The following PARD3 variants were observed in gnomAD, a reference collection of about 807,000 sequenced individuals.
PARD3 encodes partitioning defective 3 homolog.
In PARD3, 75 loss-of-function variants were observed where a neutral mutation model predicts 155.4. The observed-to-expected ratio is 0.48, with a 90% CI of 0.40 to 0.58. The LOEUF (loss-of-function observed/expected upper bound fraction) is 0.58, where lower values mean the gene tolerates loss of function less well. PARD3 is among the 20% of genes least tolerant of loss of function. PARD3 has a pLI of 0.00. For missense variants in PARD3, 1,642 were observed against 1,721.7 expected, an observed-to-expected ratio of 0.95 and a Z score of 0.82; for synonymous variants, 576 against 610.5, an observed-to-expected ratio of 0.94 and a Z score of 0.83.
At chr10:34,601,344 A>G (rs2132501841) in intron 2 of PARD3, among the ~76,000 whole-genome samples, 1 of 151,938 alleles carries the variant, frequency 6.6e-6, no homozygotes, top group African/African-American at 2.4e-5. Flanking sequence ...TCAAAAGGCT[A>G]AGGCAGGAGG....
intron 12 of PARD3, among the ~76,000 whole-genome samples, chr10:34,362,909 T>C (rs886640753): frequency 1.7e-4 from 26 of 152,236 alleles, no homozygotes; most frequent in African/African-American, 4.6e-4. Context: ...ACAACATCAA[T>C]ACACATCATA....
At chr10:34,170,863 T>G (rs754788122) in intron 22 of PARD3, among the ~76,000 whole-genome samples, 3 of 152,216 alleles carry the variant, frequency 2.0e-5, no homozygotes, top group Non-Finnish European at 4.4e-5. Context: ...TCAGCCTTGA[T>G]TAGTGCATCT....
At chr10:34,299,908 GA>G (rs1184395112) in intron 20 of PARD3, among the ~76,000 whole-genome samples, 3 of 152,066 alleles carry the variant, frequency 2.0e-5, no homozygotes, top group South Asian at 2.1e-4. Flanking sequence ...CTTTATTACT[GA>G]AAATATAAAA....
At chr10:34,435,984 A>G (rs1419375119) in intron 5 of PARD3, among the ~76,000 whole-genome samples, 3 of 152,216 alleles carry the variant, frequency 2.0e-5, no homozygotes, top group Non-Finnish European at 4.4e-5. Context: ...AAGTATGCAA[A>G]AACAACAACT....
intron 2 of PARD3, among the ~76,000 whole-genome samples, chr10:34,586,375 T>C (rs1049857520): frequency 2.0e-5 from 3 of 152,138 alleles, no homozygotes; most frequent in Non-Finnish European, 4.4e-5. Context: ...AAAAAACATT[T>C]CTGTGACTTC....
chr10:34,392,085 G>A (rs1589411577), intron 7 of PARD3, among the ~76,000 whole-genome samples: 1 of 152,250 alleles, frequency 6.6e-6, no homozygotes, highest in Admixed American at 6.5e-5. Context: ...TGAGCCTGGA[G>A]ATCCTGCCAC....
intron 2 of PARD3, among the ~76,000 whole-genome samples, chr10:34,644,807 T>G (rs1209632035): frequency 6.6e-6 from 1 of 152,196 alleles, no homozygotes; most frequent in Non-Finnish European, 1.5e-5. Context: ...TCATACAGTT[T>G]ATGAGTTGTA....
intron 1 of PARD3, among the ~76,000 whole-genome samples, chr10:34,787,215 C>T (rs150913778): frequency 3.9e-4 from 59 of 152,214 alleles, no homozygotes; most frequent in African/African-American, 1.3e-3. Context: ...CCCAACTCTA[C>T]TAACAATACA....
At chr10:34,497,595 A>G (rs963303881) in intron 3 of PARD3, among the ~76,000 whole-genome samples, 12 of 152,206 alleles carry the variant, frequency 7.9e-5, no homozygotes, top group Admixed American at 7.9e-4. Context: ...TTTCTGCACT[A>G]CAGTGTAATA....
intron 1 of PARD3, among the ~76,000 whole-genome samples, chr10:34,786,042 C>T (rs1181810087): frequency 6.9e-6 from 1 of 144,494 alleles, no homozygotes; most frequent in Non-Finnish European, 1.5e-5. Flanking sequence ...GCATCTTCCT[C>T]TTCTTCACTC....
chr10:34,805,216 G>A (rs948443956), intron 1 of PARD3, among the ~76,000 whole-genome samples: 6 of 152,208 alleles, frequency 3.9e-5, no homozygotes, highest in Admixed American at 6.5e-5. Flanking sequence ...AATTAGCCAG[G>A]TGTGGTGGCA....
intron 5 of PARD3, among the ~76,000 whole-genome samples, chr10:34,413,447 C>T (rs1589479984): frequency 6.9e-6 from 1 of 144,134 alleles, no homozygotes; most frequent in South Asian, 2.2e-4. Context: ...CCAGCTCTAC[C>T]TTTTTTTTTT....
chr10:34,715,324 T>C (rs2094504065), intron 1 of PARD3, among the ~76,000 whole-genome samples: 2 of 152,166 alleles, frequency 1.3e-5, no homozygotes, highest in Non-Finnish European at 1.5e-5. Context: ...GTGATCCTCC[T>C]GCCTCGGATT....
Position 34,341,669 on chromosome 10 carries a change from G to C in PARD3, c.2366C>G (p.Ala789Gly), listed in dbSNP as rs1271741185. 6.2e-7 allele frequency: 1 copy of C among 1,613,870 alleles called. No homozygotes were observed. Among genetic ancestry groups the C allele is most frequent in the Admixed American group, 1.7e-5 (1 of 59,984 alleles). ...HDDVGFVTADAGTWAKAAISD... is the reference protein window; with the variant it reads ...HDDVGFVTADGGTWAKAAISD... The stretch of plus-strand genomic sequence containing the variant: ...GATTGCAGCCTTGGCCCAAGTACCA[G>C]CATCTGCCGTCACAAACCCCACATC... Residue 789 changes from alanine to glycine, a missense_variant, in exon 16 of 25, where the codon GCT becomes GGT. Physicochemically the swap from Ala to Gly is moderately conservative, Grantham distance 60. Around this residue, in one of 3 missense-constraint regions of PARD3, gnomAD observed 1,529 missense variants for 1,587.3 expected, o/e 0.96. Transcript: ENST00000374788.
intron 1 of PARD3, among the ~76,000 whole-genome samples, chr10:34,762,293 A>G (rs571421310): frequency 1.7e-4 from 13 of 76,064 alleles, no homozygotes; most frequent in African/African-American, 6.2e-4. Context: ...AGAGAGACAG[A>G]GAGAGAGAGA....
intron 22 of PARD3, among the ~76,000 whole-genome samples, chr10:34,252,150 C>A (rs1954350326): frequency 6.6e-6 from 1 of 152,090 alleles, no homozygotes; most frequent in Non-Finnish European, 1.5e-5. Context: ...TTTTAAATTA[C>A]CTGCGTGTGG....
intron 1 of PARD3, among the ~76,000 whole-genome samples, chr10:34,767,819 G>T (rs1838299925): frequency 6.6e-6 from 1 of 151,884 alleles, no homozygotes; most frequent in Non-Finnish European, 1.5e-5. Flanking sequence ...GTCTGGACAT[G>T]GTGGCGCACC....
At chr10:34,609,441 T>C (rs956570080) in intron 2 of PARD3, among the ~76,000 whole-genome samples, 1 of 152,186 alleles carries the variant, frequency 6.6e-6, no homozygotes, top group Non-Finnish European at 1.5e-5. Context: ...CAAGACTGTG[T>C]GGATACTGAA....
chr10:34,233,017 ATTTTTTTTTTT>A (rs3039283), intron 22 of PARD3, among the ~76,000 whole-genome samples: 2 of 96,194 alleles, frequency 2.1e-5, no homozygotes, highest in Middle Eastern at 5.4e-3. Flanking sequence ...TCAAATGTTA[ATTTTTTTTTTT>A]TTTTTTTTTT....
Sources: allele counts gnomAD v4.1 joint callset (sites outside exome capture counted in the v4.1 genomes callset), GRCh38; gene constraint gnomAD v4.1.1; regional missense constraint gnomAD v4.1.1; transcripts MANE v1.5; gene names NCBI Gene and HGNC (gene_info 2026-07-23, HGNC 2026-07-21).